TIGIT: variants seen among roughly 807,000 people sequenced by gnomAD.
The protein encoded by TIGIT is T cell immunoreceptor with Ig and ITIM domains, also known as T-cell immunoreceptor with Ig and ITIM domains.
In TIGIT, 11 loss-of-function variants were observed where a neutral mutation model predicts 19.6. The ratio of observed to expected loss-of-function variants is 0.56; its 90% confidence interval spans 0.35 to 0.93. The LOEUF (loss-of-function observed/expected upper bound fraction) is 0.93. TIGIT is among the 40% of genes least tolerant of loss of function. TIGIT has a pLI of 0.01. For missense variants in TIGIT, 295 were observed against 303.9 expected (o/e 0.97, Z 0.22); for synonymous variants, 130 against 125.5 (o/e 1.04, Z -0.24).
chr3:114,295,704 G>T lies in TIGIT; in HGVS notation c.221G>T (p.Gly74Val). 1 of 1,614,214 alleles carries T rather than the reference G, an allele frequency of 6.2e-7. No individual in the cohort carries two copies. The highest frequency in any genetic ancestry group is 8.5e-7 in the Non-Finnish European group (1 of 1,180,022). ...QLLAICNADL[G>V]WHISPSFKDR... ...CTGGCCATTTGTAATGCTGACTTGG[G>T]GTGGCACATCTCCCCATCCTTCAAG... is the stretch of plus-strand genomic sequence containing the variant. Residue 74 changes from glycine (G) to valine (V), a missense_variant, in exon 2 of 4, where the codon GGG (glycine) becomes GTG (valine). By Grantham distance (109) the Gly-to-Val change is moderately radical. Coordinates refer to ENST00000383671, the MANE Select transcript of TIGIT (RefSeq NM_173799.4).
rs375103800 is a variant in TIGIT at position 114,299,620 on chromosome 3, C to T, written c.415C>T (p.Gln139Ter). 3.3e-5 allele frequency: 53 copies of T among 1,613,430 alleles called. No homozygotes were observed. In the Middle Eastern group the frequency reaches 6.6e-4, roughly 20 times the overall value. ...AGTGGCTGAGCACGGTGCCAGGTTCCAGATTCCATTGCTTGGAGCCATGGC... is the reference window on the plus strand; with the variant it reads ...AGTGGCTGAGCACGGTGCCAGGTTCTAGATTCCATTGCTTGGAGCCATGGC... ...SSVAEHGARF[Q>*]IPLLGAMAAT... The change falls in exon 3 of 4, where the codon CAG becomes TAG. Residue 139 changes from glutamine to a stop codon, truncating the protein, a stop_gained. Coordinates refer to ENST00000383671, the MANE Select transcript of TIGIT (RefSeq NM_173799.4). LOFTEE classifies it high-confidence loss of function.
rs751596536 is a variant in TIGIT at position 114,307,973 on chromosome 3, G to T, written c.577G>T (p.Ala193Ser). ...TGGACAGGAGGAATGGAGCCCCAGT[G>T]CTCCCTCACCCCCAGGAAGCTGTGT... ...SAGQEEWSPSAPSPPGSCVQA... is the reference protein window; with the variant it reads ...SAGQEEWSPSSPSPPGSCVQA... Residue 193 changes from alanine to serine, a missense_variant, in exon 4 of 4, where the codon GCT (alanine) becomes TCT (serine). Transcript: ENST00000383671. 2.3e-5 allele frequency: 37 copies of T among 1,614,000 alleles called. No individual in the cohort carries two copies. Among genetic ancestry groups the T allele is most frequent in the Non-Finnish European group, 3.0e-5 (35 of 1,180,036 alleles).
At chr3:114,304,608 G>A (rs1359636415) in intron 3 of TIGIT, among the ~76,000 whole-genome samples, 2 of 152,194 alleles carry the variant, frequency 1.3e-5, no homozygotes, top group Non-Finnish European at 2.9e-5. Context: ...GTCCCTGCCA[G>A]TAGATGTTAG....
intron 2 of TIGIT, among the ~76,000 whole-genome samples, chr3:114,297,614 C>T (rs2078463687): frequency 6.6e-6 from 1 of 152,166 alleles, no homozygotes; most frequent in Admixed American, 6.5e-5. Context: ...GTAGTACCAG[C>T]AACTGAAGAC....
At chr3:114,300,813 C>A (rs2078487666) in intron 3 of TIGIT, among the ~76,000 whole-genome samples, 1 of 152,042 alleles carries the variant, frequency 6.6e-6, no homozygotes, top group Non-Finnish European at 1.5e-5. Context: ...CCCATGATAC[C>A]TAACCCACTC....
intron 3 of TIGIT, among the ~76,000 whole-genome samples, chr3:114,305,783 T>C (rs1242141712): frequency 1.7e-5 from 1 of 58,870 alleles, no homozygotes; most frequent in African/African-American, 4.9e-5. Context: ...GAGATATAGA[T>C]GGATGGATGG....
chr3:114,304,272 AAACACT>A (rs1560033968), intron 3 of TIGIT, among the ~76,000 whole-genome samples: 1 of 152,226 alleles, frequency 6.6e-6, no homozygotes, highest in Non-Finnish European at 1.5e-5. Context: ...TGTTTTAAAA[AAACACT>A]TAAAATATAA....
At position 114,308,086 on chromosome 3, in the gene TIGIT, T is replaced by C; in HGVS notation, c.690T>C (p.Ser230=). 1.2e-6 allele frequency: 2 copies of C among 1,614,132 alleles called. No homozygotes were observed. The highest frequency in any genetic ancestry group is 1.7e-6 in the Non-Finnish European group (2 of 1,180,028). Residue 230 remains serine (S), a synonymous_variant, in exon 4 of 4, where the codon AGT becomes AGC. Transcript: ENST00000383671. ...AELHDYFNVL[S]YRSLGNCSFF... ...TGCATGACTACTTCAATGTCCTGAGTTACAGAAGCCTGGGTAACTGCAGCT... is the reference window on the plus strand; with the variant it reads ...TGCATGACTACTTCAATGTCCTGAGCTACAGAAGCCTGGGTAACTGCAGCT...
In TIGIT at chr3:114,295,406, T is replaced by A. The variant is rs1018871399; in HGVS notation, c.62-139T>A. 33 of 698,226 alleles carry A rather than the reference T, an allele frequency of 4.7e-5. No individual in the cohort carries two copies. In the African/African-American group the frequency reaches 5.4e-4, roughly 11 times the overall value. The allele number at this position is 698,226 out of a possible 1,614,324, so 43.3% of individuals were successfully genotyped here. On this transcript the variant is annotated intron_variant, in intron 1 of 3. Transcript: ENST00000383671. Reference sequence around the variant, plus strand: ...AAACAGGAAATAATTACAGCCTCTATGGAGGAGCAACAGGATGGACTGGAG... The same window carrying A: ...AAACAGGAAATAATTACAGCCTCTAAGGAGGAGCAACAGGATGGACTGGAG...
In TIGIT at chr3:114,296,144, C is replaced by A. The variant is rs1226729847; in HGVS notation, c.391+270C>A. ...AGAACCACTGTTCTTATGTAAGAAG[C>A]ACATCTTACCTATATTTCCTAGGAA... On this transcript the variant is annotated intron_variant, in intron 2 of 3. Coordinates refer to ENST00000383671, the MANE Select transcript of TIGIT (RefSeq NM_173799.4). The A allele has an allele frequency of 1.4e-5, 5 of 370,322 alleles. No individual in the cohort carries two copies. In the East Asian group the frequency reaches 1.9e-4, roughly 14 times the overall value. The allele number at this position is 370,322 out of a possible 1,614,324, so 22.9% of individuals were successfully genotyped here.
At chr3:114,306,907 T>A (rs533145806) in intron 3 of TIGIT, among the ~76,000 whole-genome samples, 9 of 152,336 alleles carry the variant, frequency 5.9e-5, no homozygotes, top group African/African-American at 2.2e-4. Flanking sequence ...AAATATGGAC[T>A]GACACAACTT....
Position 114,295,627 on chromosome 3 carries a change from C to T in TIGIT, c.144C>T (p.Ser48=), listed in dbSNP as rs768712127. The change falls in exon 2 of 4, where the codon TCC becomes TCT. Residue 48 remains serine (S), a synonymous_variant. Coordinates refer to ENST00000383671, the MANE Select transcript of TIGIT (RefSeq NM_173799.4). ...CTATCATCTTACAATGTCACCTCTC[C>T]TCCACCACGGCACAAGTGACCCAGG... ...GGSIILQCHL[S]STTAQVTQVN... 1.4e-5 allele frequency: 22 copies of T among 1,614,194 alleles called. No individual in the cohort carries two copies. Among genetic ancestry groups the T allele is most frequent in the Admixed American group, 1.0e-4 (6 of 60,032 alleles).
chr3:114,296,454 T>A (rs115669419), intron 2 of TIGIT, among the ~76,000 whole-genome samples: 1,734 of 152,342 alleles, frequency 0.011, 39 homozygotes, highest in African/African-American at 0.04. Flanking sequence ...GCTCAGACTC[T>A]GACACCAGAC....
chr3:114,309,930 T>C lies in TIGIT; in HGVS notation c.*1799T>C, dbSNP rs2078560968. 4 of 152,144 alleles carry C rather than the reference T, an allele frequency of 2.6e-5. No individual in the cohort carries two copies. The highest frequency in any genetic ancestry group is 2.1e-4 in the South Asian group (1 of 4,824). The allele number at this position is 152,144 out of a possible 1,614,324, so 9.4% of individuals were successfully genotyped here. ...TGGTGATAAAATACAAAAGGGCCTA[T>C]AGATGTTAGAAATGGGTCAGGTTAC... On this transcript the variant is annotated 3_prime_UTR_variant, in exon 4 of 4. Coordinates refer to ENST00000383671, the MANE Select transcript of TIGIT (RefSeq NM_173799.4).
Position 114,308,052 on chromosome 3 carries a change from GT to G in TIGIT, c.657del (p.Cys219TrpfsTer11). On this transcript the variant is annotated frameshift_variant, in exon 4 of 4. Coordinates refer to ENST00000383671, the MANE Select transcript of TIGIT (RefSeq NM_173799.4). LOFTEE classifies it high-confidence loss of function. ...GLCGEQRGED[C>X]AELHDYFNVL... Reference sequence around the variant, plus strand: ...TGTGGAGAGCAGCGGGGAGAGGACTGTGCCGAGCTGCATGACTACTTCAATG... The same window carrying G: ...TGTGGAGAGCAGCGGGGAGAGGACTGGCCGAGCTGCATGACTACTTCAATG... 2 of 1,614,218 alleles carry G rather than the reference GT, an allele frequency of 1.2e-6. No homozygotes were observed. Among genetic ancestry groups the G allele is most frequent in the Non-Finnish European group, 1.7e-6 (2 of 1,180,030 alleles).
At chr3:114,302,079 G>C (rs1369655632) in intron 3 of TIGIT, among the ~76,000 whole-genome samples, 2 of 152,120 alleles carry the variant, frequency 1.3e-5, no homozygotes, top group East Asian at 1.9e-4. Flanking sequence ...ATGTGGAGGG[G>C]TCTCCTTCAG....
At position 114,294,065 on chromosome 3, in the gene TIGIT, C is replaced by A. The variant is rs977245811; in HGVS notation, c.4C>A (p.Arg2Ser). M[R>S]WCLLLIWAQG... ...TGTAGGCCCTCTGGGCAGAAGCATG[C>A]GCTGGTGTCTCCTCCTGATCTGGGC... The change falls in exon 1 of 4, where the codon CGC (arginine) becomes AGC (serine). Residue 2 changes from arginine (R) to serine (S), a missense_variant. Transcript: ENST00000383671. 2 of 1,552,404 alleles carry A rather than the reference C, an allele frequency of 1.3e-6. No individual in the cohort carries two copies. Among genetic ancestry groups the A allele is most frequent in the Non-Finnish European group, 8.7e-7 (1 of 1,147,274 alleles).
chr3:114,299,811 G>A (rs1017120175), intron 3 of TIGIT, 108 bp downstream of exon 3: 32 of 692,892 alleles, frequency 4.6e-5, no homozygotes, highest in Middle Eastern at 7.3e-4. Flanking sequence ...TGATCTTCCC[G>A]AGTGCTCTTT....
chr3:114,307,806 T>G, intron 3 of TIGIT, 89 bp from the exon 4 acceptor site: 1 of 1,200,970 alleles, frequency 8.3e-7, no homozygotes, highest in East Asian at 2.3e-5. Context: ...TGTGCATGTG[T>G]GTAAGAAAGG....
Sources: allele counts gnomAD v4.1 joint callset (sites outside exome capture counted in the v4.1 genomes callset), GRCh38; gene constraint gnomAD v4.1.1; transcripts MANE v1.5; gene names NCBI Gene and HGNC (gene_info 2026-07-23, HGNC 2026-07-21).